Variants in CSMD3 observed in about 807,000 individuals in gnomAD.
CSMD3 encodes the protein CUB and Sushi multiple domains 3, also known as CUB and sushi domain-containing protein 3.
In CSMD3, 177 loss-of-function variants were observed where a neutral mutation model predicts 435.2. The ratio of observed to expected loss-of-function variants is 0.41; its 90% CI spans 0.36 to 0.46. CSMD3 has a LOEUF of 0.46. Ranked by LOEUF, CSMD3 falls within the 20% of genes least tolerant of loss-of-function variation. The pLI, the probability that CSMD3 is intolerant of heterozygous loss-of-function variation, is 0.34. For synonymous variants in CSMD3, 1,656 were observed against 1,520.5 expected (o/e 1.09, Z -2.07); for missense variants, 4,265 against 4,504.6 (o/e 0.95, Z 1.52).
chr8:112,637,034 C>CG (rs773483491), intron 21 of CSMD3, 29 bp from the exon 22 acceptor site: 117 of 1,575,174 alleles, frequency 7.4e-5, no homozygotes, highest in Non-Finnish European at 9.8e-5. Context: ...AATTTCCCCG[C>CG]GGGGGAGGAA....
chr8:112,681,379 A>C (rs1307443989), intron 16 of CSMD3, among the ~76,000 whole-genome samples: 1 of 151,984 alleles, frequency 6.6e-6, no homozygotes, highest in African/African-American at 2.4e-5. Context: ...TAAAATAGAT[A>C]TGTATTATTA....
intron 35 of CSMD3, among the ~76,000 whole-genome samples, chr8:112,403,109 A>T (rs1448153328): frequency 6.6e-6 from 1 of 152,176 alleles, no homozygotes; most frequent in East Asian, 1.9e-4. Context: ...GTGGACTGTC[A>T]AAAATGTATT....
intron 5 of CSMD3, among the ~76,000 whole-genome samples, chr8:113,062,990 A>G (rs932559703): frequency 6.6e-6 from 1 of 151,698 alleles, no homozygotes; most frequent in Non-Finnish European, 1.5e-5. Context: ...TAGTTTTGTT[A>G]AAGGCTAACT....
intron 20 of CSMD3, chr8:112,643,414 A>AC (rs112584207): frequency 0.54 from 91,294 of 169,186 alleles, 26,099 homozygotes; most frequent in African/African-American, 0.76. Flanking sequence ...CCTTCATGTA[A>AC]ATTTGCTACA....
chr8:112,784,767 T>C (rs1230527978), intron 13 of CSMD3, among the ~76,000 whole-genome samples: 1 of 151,998 alleles, frequency 6.6e-6, no homozygotes, highest in Non-Finnish European at 1.5e-5. Flanking sequence ...ATTGTGGCCA[T>C]AATAAAATGT....
chr8:113,374,111 C>A (rs1167826850), intron 1 of CSMD3, among the ~76,000 whole-genome samples: 1 of 151,834 alleles, frequency 6.6e-6, no homozygotes, highest in Non-Finnish European at 1.5e-5. Context: ...AATATCATAT[C>A]TATCCATATT....
chr8:113,286,205 C>T (rs1028300431), intron 2 of CSMD3, among the ~76,000 whole-genome samples: 2 of 152,180 alleles, frequency 1.3e-5, no homozygotes, highest in African/African-American at 4.8e-5. Flanking sequence ...ACATGTGATC[C>T]TGTCTCTTCT....
At chr8:112,874,811 CT>C (rs1383749779) in intron 10 of CSMD3, among the ~76,000 whole-genome samples, 2 of 152,060 alleles carry the variant, frequency 1.3e-5, no homozygotes, top group Non-Finnish European at 2.9e-5. Context: ...CTATGTATAT[CT>C]TTGCACTTGA....
At chr8:113,292,165 A>G (rs986490097) in intron 2 of CSMD3, among the ~76,000 whole-genome samples, 1 of 151,614 alleles carries the variant, frequency 6.6e-6, no homozygotes, top group Non-Finnish European at 1.5e-5. Context: ...TTTGGGTACA[A>G]TTTTGATGGA....
intron 43 of CSMD3, among the ~76,000 whole-genome samples, chr8:112,337,308 A>G (rs568302451): frequency 1.2e-3 from 181 of 152,246 alleles, no homozygotes; most frequent in Non-Finnish European, 2.2e-3. Flanking sequence ...CACATAAGAA[A>G]AGCTCTAAAG....
At chr8:113,266,457 T>C (rs924052830) in intron 3 of CSMD3, among the ~76,000 whole-genome samples, 1 of 151,522 alleles carries the variant, frequency 6.6e-6, no homozygotes, top group East Asian at 1.9e-4. Context: ...CTAAGTGGAA[T>C]CACAGCTAAC....
chr8:113,158,761 T>C lies in CSMD3; in HGVS notation c.709+14961A>G, dbSNP rs564330171. Among the ~76,000 whole-genome samples the C allele has an allele frequency of 3.3e-5, 5 of 152,058 alleles. No homozygotes were observed. In the South Asian group the frequency reaches 8.3e-4, roughly 25 times the overall value. On this transcript the variant is annotated intron_variant, in intron 4 of 70. Transcript: ENST00000297405. The stretch of plus-strand genomic sequence containing the variant: ...ATATATTTTTGTATATGTGTATATA[T>C]ACAGATATAGATATAGATAGATGTA...
intron 23 of CSMD3, among the ~76,000 whole-genome samples, chr8:112,578,309 C>G (rs1249001561): frequency 1.3e-5 from 2 of 151,870 alleles, no homozygotes; most frequent in Non-Finnish European, 2.9e-5. Flanking sequence ...AACGAAGGAC[C>G]AACTTTACAG....
chr8:113,430,058 C>T (rs901498748), intron 1 of CSMD3, among the ~76,000 whole-genome samples: 3 of 151,990 alleles, frequency 2.0e-5, no homozygotes, highest in Non-Finnish European at 2.9e-5. Flanking sequence ...GTGAGTCTGC[C>T]CCTTATTCAT....
At chr8:112,474,292 A>G (rs1465306857) in intron 31 of CSMD3, among the ~76,000 whole-genome samples, 2 of 152,150 alleles carry the variant, frequency 1.3e-5, no homozygotes, top group East Asian at 3.8e-4. Flanking sequence ...CAACCCCCGA[A>G]CTAGAGTGGG....
chr8:112,305,884 T>C, intron 51 of CSMD3, 123 bp downstream of exon 51: 1 of 832,940 alleles, frequency 1.2e-6, no homozygotes, highest in East Asian at 2.6e-5. Context: ...TAACTTTTAT[T>C]TCTGACTTAG....
rs2132669670 is a variant in CSMD3, at chr8:113,314,613, G to A, written c.359C>T (p.Ser120Leu). 6.2e-7 allele frequency: 1 copy of A among 1,609,414 alleles called. No homozygotes were observed. The highest frequency in any genetic ancestry group is 8.5e-7 in the Non-Finnish European group (1 of 1,175,992). The change falls in exon 2 of 71, where the codon TCA becomes TTA. Residue 120 changes from serine (S) to leucine (L), a missense_variant. Transcript: ENST00000297405. The part of the protein sequence containing the change: ...FALEEEYDYL[S>L]LYDGHPHPTN... ...AGGATGAGGATGTCCATCATATAATGATAAGTAGTCGTATTCTTCTTCTAG... is the reference window on the plus strand; with the variant it reads ...AGGATGAGGATGTCCATCATATAATAATAAGTAGTCGTATTCTTCTTCTAG...
At chr8:112,445,402 G>A (rs543140552) in intron 32 of CSMD3, among the ~76,000 whole-genome samples, 8 of 152,196 alleles carry the variant, frequency 5.3e-5, no homozygotes, top group South Asian at 2.1e-4. Flanking sequence ...GATACATGGC[G>A]CTGGCATCTG....
At chr8:112,612,750 GCT>G (rs1833365947) in intron 22 of CSMD3, among the ~76,000 whole-genome samples, 1 of 92,204 alleles carries the variant, frequency 1.1e-5, no homozygotes, top group South Asian at 4.1e-4. Context: ...ATGGAGTCTT[GCT>G]CTGTCACCCA....
Sources: allele counts gnomAD v4.1 joint callset (sites outside exome capture counted in the v4.1 genomes callset), GRCh38; gene constraint gnomAD v4.1.1; transcripts MANE v1.5; gene names NCBI Gene and HGNC (gene_info 2026-07-23, HGNC 2026-07-21).